Variants in GABBR2 observed in about 807,000 individuals in gnomAD.
GABBR2 encodes the protein G-protein coupled receptor 51.
In GABBR2, 23 loss-of-function variants were observed where a neutral mutation model predicts 105.6. The ratio of observed to expected loss-of-function variants is 0.22; its 90% CI spans 0.16 to 0.31. The LOEUF is 0.31. GABBR2 is among the 10% of genes least tolerant of loss of function. GABBR2 has a pLI of 1.00. For missense variants in GABBR2, 734 were observed against 1,245.5 expected (o/e 0.59, Z 6.18); for synonymous variants, 478 against 499.7 (o/e 0.96, Z 0.58).
At chr9:98,703,862 T>C (rs899507270) in intron 1 of GABBR2, among the ~76,000 whole-genome samples, 4 of 151,822 alleles carry the variant, frequency 2.6e-5, no homozygotes, top group Non-Finnish European at 5.9e-5. Context: ...TTTTATTGTA[T>C]TGAGATTTAG....
intron 13 of GABBR2, among the ~76,000 whole-genome samples, chr9:98,354,512 T>C (rs998950426): frequency 6.6e-6 from 1 of 152,270 alleles, no homozygotes; most frequent in Non-Finnish European, 1.5e-5. Context: ...ATCTTAGCTA[T>C]ATCTTCTAGA....
At chr9:98,549,133 TG>T (rs1447155879) in intron 2 of GABBR2, among the ~76,000 whole-genome samples, 1 of 121,178 alleles carries the variant, frequency 8.3e-6, no homozygotes, top group African/African-American at 2.6e-5. Flanking sequence ...TTAGTAAAGA[TG>T]GGGGTTTCAC....
intron 2 of GABBR2, among the ~76,000 whole-genome samples, chr9:98,556,152 C>A (rs1243565586): frequency 2.0e-5 from 3 of 152,164 alleles, no homozygotes; most frequent in African/African-American, 7.2e-5. Context: ...GGTTTGCGCC[C>A]CATCCCCTTG....
chr9:98,360,758 G>A (rs1309546243), intron 13 of GABBR2, among the ~76,000 whole-genome samples: 1 of 152,142 alleles, frequency 6.6e-6, no homozygotes, highest in African/African-American at 2.4e-5. Flanking sequence ...TTGTTTAAAC[G>A]GTCCAGTAGG....
chr9:98,447,274 G>T (rs1009750174), intron 7 of GABBR2, among the ~76,000 whole-genome samples: 2 of 145,038 alleles, frequency 1.4e-5, no homozygotes, highest in African/African-American at 5.1e-5. Flanking sequence ...TTTTTTAGCC[G>T]GGATGGTCTC....
At chr9:98,637,734 C>T (rs1230965117) in intron 1 of GABBR2, among the ~76,000 whole-genome samples, 2 of 152,142 alleles carry the variant, frequency 1.3e-5, no homozygotes, top group East Asian at 1.9e-4. Flanking sequence ...AAAAGATTGT[C>T]CCCTAAAGCC....
In GABBR2 at chr9:98,457,598, A is replaced by C. The variant is rs565204187; in HGVS notation, c.1000-3381T>G. ...AAGGATCAGGAGGAGGGCCAAGAAC[A>C]CTGGAAACACGGCTCTTTACCAGAT... On this transcript the variant is annotated intron_variant, in intron 6 of 18. Transcript: ENST00000259455. 7.9e-5 allele frequency among the ~76,000 whole-genome samples: 12 copies of C among 152,266 alleles called. No homozygotes were observed. In the South Asian group the frequency reaches 2.3e-3, roughly 29 times the overall value.
chr9:98,391,683 T>A (rs1196011499), intron 9 of GABBR2, among the ~76,000 whole-genome samples: 1 of 151,988 alleles, frequency 6.6e-6, no homozygotes, highest in African/African-American at 2.4e-5. Context: ...GGCCCAGTGG[T>A]GTTTCAGGAC....
chr9:98,567,224 C>T (rs1414895628), intron 2 of GABBR2, among the ~76,000 whole-genome samples: 1 of 152,212 alleles, frequency 6.6e-6, no homozygotes, highest in African/African-American at 2.4e-5. Flanking sequence ...ACATTGGGAA[C>T]TGATATTACT....
At chr9:98,697,891 G>A (rs1042339375) in intron 1 of GABBR2, among the ~76,000 whole-genome samples, 12 of 152,180 alleles carry the variant, frequency 7.9e-5, no homozygotes, top group African/African-American at 2.7e-4. Flanking sequence ...CCCCAGAGTG[G>A]GCATGCGGGT....
chr9:98,596,607 C>T (rs896010177), intron 1 of GABBR2, among the ~76,000 whole-genome samples: 14 of 152,226 alleles, frequency 9.2e-5, no homozygotes, highest in Admixed American at 8.5e-4. Flanking sequence ...TGGAAGGAGC[C>T]GGCGATGTGG....
intron 2 of GABBR2, among the ~76,000 whole-genome samples, chr9:98,560,565 T>G (rs1376737826): frequency 1.3e-5 from 2 of 151,938 alleles, no homozygotes; most frequent in South Asian, 4.1e-4. Flanking sequence ...TTGAAAAATA[T>G]TTAAAGAAGT....
intron 1 of GABBR2, among the ~76,000 whole-genome samples, chr9:98,655,224 C>T (rs376503134): frequency 2.1e-4 from 32 of 152,038 alleles, no homozygotes; most frequent in African/African-American, 7.3e-4. Flanking sequence ...ACACTGTGGA[C>T]GTTGGGCGAT....
At chr9:98,625,847 A>G (rs897933740) in intron 1 of GABBR2, among the ~76,000 whole-genome samples, 5 of 152,168 alleles carry the variant, frequency 3.3e-5, no homozygotes, top group African/African-American at 1.2e-4. Flanking sequence ...TGCCCATTTC[A>G]CAGATGAAGA....
Position 98,666,237 on chromosome 9 carries a change from T to C in GABBR2, c.321+42180A>G, listed in dbSNP as rs921949707. On this transcript the variant is annotated intron_variant, in intron 1 of 18. Coordinates refer to ENST00000259455, the MANE Select transcript of GABBR2 (RefSeq NM_005458.8). ...GGGTACCATGTTCCAGGAAGGAACC[T>C]AACGAACCCAAAGGAATAATCTAAA... is the stretch of plus-strand genomic sequence containing the variant. Among the ~76,000 whole-genome samples the C allele has an allele frequency of 3.3e-5, 5 of 152,290 alleles. No individual in the cohort carries two copies. In the South Asian group the frequency reaches 1.0e-3, roughly 32 times the overall value.
At chr9:98,463,278 T>TC (rs1250114069) in intron 6 of GABBR2, among the ~76,000 whole-genome samples, 1 of 152,200 alleles carries the variant, frequency 6.6e-6, no homozygotes, top group Non-Finnish European at 1.5e-5. Context: ...TATACACAAT[T>TC]CATGGATTGG....
intron 1 of GABBR2, among the ~76,000 whole-genome samples, chr9:98,643,975 T>C (rs977697744): frequency 3.9e-5 from 6 of 152,204 alleles, no homozygotes; most frequent in Non-Finnish European, 5.9e-5. Context: ...TTCTGAATGA[T>C]TCAGTTCTGA....
chr9:98,342,463 G>A (rs190871272), intron 13 of GABBR2, among the ~76,000 whole-genome samples: 38 of 152,222 alleles, frequency 2.5e-4, no homozygotes, highest in African/African-American at 8.9e-4. Flanking sequence ...AGCTGCTGGG[G>A]AAAATTTTAA....
chr9:98,469,534 C>A (rs1170656725), intron 6 of GABBR2, among the ~76,000 whole-genome samples: 1 of 152,176 alleles, frequency 6.6e-6, no homozygotes, highest in Non-Finnish European at 1.5e-5. Flanking sequence ...ATGCCTCTCT[C>A]CTAAACTCTC....
Sources: allele counts gnomAD v4.1 joint callset (sites outside exome capture counted in the v4.1 genomes callset), GRCh38; gene constraint gnomAD v4.1.1; transcripts MANE v1.5; gene names NCBI Gene and HGNC (gene_info 2026-07-23, HGNC 2026-07-21).